The following WSCD2 variants were observed in gnomAD, a reference collection of about 807,000 sequenced individuals.
WSCD2 encodes the protein WSC domain sialate O sulfotransferase 2.
WSCD2 carries 28 observed loss-of-function variants against 55.7 expected under a neutral mutation model. The observed-to-expected ratio is 0.50, with a 90% CI of 0.37 to 0.69. The LOEUF (loss-of-function observed/expected upper bound fraction) is 0.69, where lower values mean the gene tolerates loss of function less well. WSCD2 is among the 30% of genes least tolerant of loss of function. WSCD2 has a pLI of 0.00. For synonymous variants in WSCD2, 301 were observed against 301.9 expected (o/e 1.00, Z 0.03); for missense variants, 616 against 762.1 (o/e 0.81, Z 2.26).
At chr12:108,202,024 CCT>C (rs530261272) in intron 2 of WSCD2, among the ~76,000 whole-genome samples, 216 of 152,198 alleles carry the variant, frequency 1.4e-3, no homozygotes, top group African/African-American at 5.0e-3. Flanking sequence ...TGATTTTGTC[CCT>C]GTTTTACATA....
intron 8 of WSCD2, among the ~76,000 whole-genome samples, chr12:108,247,162 A>G (rs555380169): frequency 8.5e-5 from 13 of 152,266 alleles, no homozygotes; most frequent in African/African-American, 3.1e-4. Context: ...GTTATTAGCT[A>G]TATGACCTTG....
chr12:108,196,515 A>G (rs2137051063), intron 2 of WSCD2: 1 of 323,120 alleles, frequency 3.1e-6, no homozygotes, highest in Non-Finnish European at 5.6e-6. Context: ...TCCTTGTTAA[A>G]TATACATGAA....
chr12:108,164,138 CCTTTTTTTTT>C (rs775523373), intron 1 of WSCD2, among the ~76,000 whole-genome samples: 8,312 of 71,740 alleles, frequency 0.12, 1,910 homozygotes, highest in Middle Eastern at 0.25. Flanking sequence ...AATCTTAAAT[CCTTTTTTTTT>C]TTTTTTTTTT....
At chr12:108,221,020 C>A (rs952208056) in intron 4 of WSCD2, among the ~76,000 whole-genome samples, 1 of 152,176 alleles carries the variant, frequency 6.6e-6, no homozygotes, top group Non-Finnish European at 1.5e-5. Context: ...TGGAGGTACT[C>A]ATAGCATCTA....
chr12:108,199,905 T>C (rs1884446933), intron 2 of WSCD2, among the ~76,000 whole-genome samples: 1 of 152,182 alleles, frequency 6.6e-6, no homozygotes, highest in Admixed American at 6.5e-5. Context: ...ATGCCAGCTA[T>C]TATTATTATA....
Position 108,177,445 on chromosome 12 carries a change from G to T in WSCD2, c.-551-17837G>T, listed in dbSNP as rs575847219. ...GCCAGACTTACCCAGTCAAATCCTG[G>T]CTCTGCCTCCTACACCCTAGCTGTG... On this transcript the variant is annotated intron_variant, in intron 1 of 8. Coordinates refer to ENST00000547525, the MANE Select transcript of WSCD2 (RefSeq NM_014653.4). 7.9e-5 allele frequency among the ~76,000 whole-genome samples: 12 copies of T among 152,196 alleles called. No individual in the cohort carries two copies. The Middle Eastern group carries it at 0.01, about 129-fold the overall frequency.
intron 1 of WSCD2, among the ~76,000 whole-genome samples, chr12:108,193,973 G>C (rs1057260239): frequency 6.6e-6 from 1 of 152,200 alleles, no homozygotes; most frequent in Admixed American, 6.5e-5. Context: ...GTTACAATTT[G>C]TATCTTCCAT....
chr12:108,152,950 A>G (rs1565919970), intron 1 of WSCD2, among the ~76,000 whole-genome samples: 1 of 152,126 alleles, frequency 6.6e-6, no homozygotes, highest in Non-Finnish European at 1.5e-5. Context: ...TAAAAAATAC[A>G]AAAATTAGCC....
At chr12:108,222,982 G>A (rs183148296) in intron 4 of WSCD2, among the ~76,000 whole-genome samples, 9 of 152,328 alleles carry the variant, frequency 5.9e-5, no homozygotes, top group South Asian at 4.1e-4. Flanking sequence ...TGGCAAGTCC[G>A]AAATTCATAT....
chr12:108,146,514 G>A (rs1290964935), intron 1 of WSCD2, among the ~76,000 whole-genome samples: 3 of 152,216 alleles, frequency 2.0e-5, no homozygotes, highest in African/African-American at 4.8e-5. Context: ...AAGAAAATAC[G>A]AAAGAAAAAG....
chr12:108,244,493 GTATT>G (rs1889955261), intron 8 of WSCD2: 1 of 702,816 alleles, frequency 1.4e-6, no homozygotes, highest in Admixed American at 2.0e-5. Context: ...ACACTAACCA[GTATT>G]TATTGAGCAC....
intron 1 of WSCD2, among the ~76,000 whole-genome samples, chr12:108,130,803 G>A (rs144624223): frequency 1.6e-4 from 25 of 152,222 alleles, no homozygotes; most frequent in East Asian, 1.4e-3. Context: ...GAAGGGCCAC[G>A]TGGAGAGGGC....
At chr12:108,175,418 C>T (rs2136980689) in intron 1 of WSCD2, among the ~76,000 whole-genome samples, 1 of 152,352 alleles carries the variant, frequency 6.6e-6, no homozygotes, top group African/African-American at 2.4e-5. Flanking sequence ...TGCCTTCTCT[C>T]ATCAGCTGCT....
Position 108,179,755 on chromosome 12 carries a change from A to G in WSCD2, c.-551-15527A>G, listed in dbSNP as rs529098360. ...GGTTGAAATTCCAGCTCTGCCACTT[A>G]TGACCTGCGTCACCTTGGGCAAGTC... On this transcript the variant is annotated intron_variant, in intron 1 of 8. Transcript: ENST00000547525. Among the ~76,000 whole-genome samples, 6 of 152,342 alleles carry G rather than the reference A, an allele frequency of 3.9e-5. No homozygotes were observed. The South Asian group carries it at 1.2e-3, about 32-fold the overall frequency.
At chr12:108,246,304 G>A (rs760410437) in intron 8 of WSCD2, among the ~76,000 whole-genome samples, 1 of 152,226 alleles carries the variant, frequency 6.6e-6, no homozygotes, top group Admixed American at 6.5e-5. Context: ...TTAAGAAGCA[G>A]CTGGGCTCCC....
chr12:108,229,389 A>G (rs1373393083), intron 6 of WSCD2, among the ~76,000 whole-genome samples: 1 of 152,256 alleles, frequency 6.6e-6, no homozygotes, highest in African/African-American at 2.4e-5. Context: ...GAGGTTGAGT[A>G]ACTTGGCCAA....
chr12:108,238,098 A>T (rs1404777666), intron 7 of WSCD2, among the ~76,000 whole-genome samples: 1 of 152,220 alleles, frequency 6.6e-6, no homozygotes, highest in Non-Finnish European at 1.5e-5. Flanking sequence ...AGAATACATG[A>T]CACGAAATTA....
At chr12:108,220,304 G>A (rs1679085187) in intron 4 of WSCD2, among the ~76,000 whole-genome samples, 1 of 152,188 alleles carries the variant, frequency 6.6e-6, no homozygotes, top group Non-Finnish European at 1.5e-5. Context: ...ACAATGCCTG[G>A]CACTTGATAA....
intron 6 of WSCD2, 114 bp downstream of exon 6, chr12:108,227,278 GC>G: frequency 7.8e-7 from 1 of 1,286,302 alleles, no homozygotes; most frequent in Non-Finnish European, 1.1e-6. Flanking sequence ...AACCATGCAA[GC>G]CAGAGGGCAG....
Sources: allele counts gnomAD v4.1 joint callset (sites outside exome capture counted in the v4.1 genomes callset), GRCh38; gene constraint gnomAD v4.1.1; transcripts MANE v1.5; gene names NCBI Gene and HGNC (gene_info 2026-07-23, HGNC 2026-07-21).